MAPDA: variants seen among roughly 807,000 people sequenced by gnomAD.
MAPDA encodes the protein N6,N6-dimethyl-AMP deaminase.
the MAPDA span, among the ~76,000 whole-genome samples, chr15:43,339,410 G>T: frequency 1.3e-5 from 2 of 152,290 alleles, no homozygotes; most frequent in East Asian, 3.9e-4. Context: ...CTACAACTTG[G>T]ATTGCTATGA....
chr15:43,338,900 C>G, the MAPDA span, among the ~76,000 whole-genome samples: 2 of 152,160 alleles, frequency 1.3e-5, no homozygotes, highest in East Asian at 3.8e-4. Context: ...TTACAGGTAC[C>G]TAGCCACTCA....
At chr15:43,338,384 T>C in the MAPDA span, among the ~76,000 whole-genome samples, 1 of 152,258 alleles carries the variant, frequency 6.6e-6, no homozygotes, top group African/African-American at 2.4e-5. Flanking sequence ...GAAAAAATGA[T>C]ACTTGTTATT....
At chr15:43,340,197 A>G in the MAPDA span, 1 of 1,332,838 alleles carries the variant, frequency 7.5e-7, no homozygotes, top group Non-Finnish European at 1.1e-6. Flanking sequence ...AAGCTGTAGC[A>G]CTTGGCACAT....
the MAPDA span, chr15:43,349,148 G>A: frequency 2.6e-6 from 4 of 1,548,404 alleles, no homozygotes; most frequent in Non-Finnish European, 3.5e-6. Context: ...AAGTACGAAT[G>A]TCATCTAGCT....
the MAPDA span, chr15:43,333,518 AT>A: frequency 6.6e-6 from 1 of 151,808 alleles, no homozygotes; most frequent in Non-Finnish European, 1.5e-5. Context: ...CATCTTTTTC[AT>A]TTTTTACTAT....
the MAPDA span, among the ~76,000 whole-genome samples, chr15:43,337,748 G>A: frequency 6.6e-6 from 1 of 152,208 alleles, no homozygotes; most frequent in South Asian, 2.1e-4. Flanking sequence ...GCACCTTTTA[G>A]AGGAGAGGTA....
chr15:43,343,014 G>A, the MAPDA span: 1 of 1,584,150 alleles, frequency 6.3e-7, no homozygotes. Flanking sequence ...AAAGACTTAT[G>A]TGGAATCTAT....
the MAPDA span, chr15:43,349,152 T>C: frequency 6.5e-7 from 1 of 1,536,178 alleles, no homozygotes; most frequent in Non-Finnish European, 8.7e-7. Context: ...ACGAATGTCA[T>C]CTAGCTATTA....
At chr15:43,330,418 C>T in the MAPDA span, 12 of 1,566,980 alleles carry the variant, frequency 7.7e-6, no homozygotes, top group Non-Finnish European at 8.6e-6. Context: ...CCAGGGAACG[C>T]TTGCTGAGGG....
the MAPDA span, among the ~76,000 whole-genome samples, chr15:43,338,518 G>C: frequency 1.3e-5 from 2 of 152,252 alleles, no homozygotes; most frequent in Non-Finnish European, 2.9e-5. Flanking sequence ...CACACACACA[G>C]AGTAAGTGGC....
the MAPDA span, among the ~76,000 whole-genome samples, chr15:43,334,661 A>ATATATATG: frequency 8.5e-6 from 1 of 117,106 alleles, no homozygotes; most frequent in African/African-American, 3.3e-5. Context: ...ATATATATAT[A>ATATATATG]TATTTTATCC....
the MAPDA span, chr15:43,333,463 TTA>T: frequency 2.0e-5 from 3 of 152,114 alleles, no homozygotes; most frequent in Non-Finnish European, 2.9e-5. Flanking sequence ...ATTAAATCAT[TTA>T]TGTTTTTCGG....
the MAPDA span, among the ~76,000 whole-genome samples, chr15:43,334,635 A>ATG: frequency 2.1e-5 from 1 of 47,970 alleles, no homozygotes; most frequent in East Asian, 9.7e-4. Context: ...CAAAAAAATT[A>ATG]TATATATATA....
the MAPDA span, chr15:43,351,332 GC>G: frequency 3.9e-6 from 1 of 255,996 alleles, no homozygotes. Context: ...ATCTCACAAA[GC>G]AAAAAAAAAA....
At chr15:43,346,818 G>A in the MAPDA span, among the ~76,000 whole-genome samples, 10 of 152,140 alleles carry the variant, frequency 6.6e-5, no homozygotes, top group South Asian at 2.1e-4. Context: ...GATTCTCGAG[G>A]GCAGGAACTG....
the MAPDA span, chr15:43,351,728 A>G: frequency 6.6e-7 from 1 of 1,504,494 alleles, no homozygotes; most frequent in Non-Finnish European, 8.9e-7. Flanking sequence ...TTCATTTTGA[A>G]ACATTCTTGT....
chr15:43,353,968 T>C, the MAPDA span: 1 of 152,130 alleles, frequency 6.6e-6, no homozygotes, highest in Non-Finnish European at 1.5e-5. Flanking sequence ...AACCCTGATT[T>C]ATAGGTTTGG....
chr15:43,334,173 T>G, the MAPDA span, among the ~76,000 whole-genome samples: 1 of 152,180 alleles, frequency 6.6e-6, no homozygotes, highest in Non-Finnish European at 1.5e-5. Flanking sequence ...CTTTGCATTT[T>G]TAATCCCATT....
chr15:43,347,147 TAGGG>T, the MAPDA span: 1 of 1,448,434 alleles, frequency 6.9e-7, no homozygotes, highest in Non-Finnish European at 9.6e-7. Flanking sequence ...TAGAAAATAA[TAGGG>T]TCATTTGTAA....
Sources: gnomAD v4.1 joint callset for allele counts (sites outside exome capture counted in the v4.1 genomes callset) on GRCh38, gnomAD v4.1.1 for gene constraint, MANE v1.5 for transcripts, NCBI Gene and HGNC (gene_info 2026-07-23, HGNC 2026-07-21) for gene names.